Variants in PTPRN2 observed in about 807,000 individuals in gnomAD.
PTPRN2 encodes the protein protein tyrosine phosphatase receptor type N2.
A neutral mutation model predicts 118.8 loss-of-function variants in PTPRN2; 74 were observed. That is an observed-to-expected ratio of 0.62 (90% CI 0.52 to 0.76). The LOEUF is 0.76. Ranked by LOEUF, PTPRN2 falls within the 30% of genes least tolerant of loss-of-function variation. The pLI is 0.00. For missense variants in PTPRN2, 1,481 were observed against 1,394.4 expected (o/e 1.06, Z -0.99); for synonymous variants, 641 against 608.0 (o/e 1.05, Z -0.80).
intron 3 of PTPRN2, among the ~76,000 whole-genome samples, chr7:158,239,817 C>G (rs7792381): frequency 0.79 from 120,893 of 152,186 alleles, 48,243 homozygotes; most frequent in African/African-American, 0.86. Context: ...TTCCTCCACG[C>G]CCATTGGGTC....
At chr7:157,558,188 C>T (rs529848793) in intron 21 of PTPRN2, among the ~76,000 whole-genome samples, 10 of 152,150 alleles carry the variant, frequency 6.6e-5, no homozygotes, top group Admixed American at 2.0e-4. Flanking sequence ...CGGTGCCCAC[C>T]GCAGTTTGCT....
chr7:158,445,135 C>T (rs963419169), intron 2 of PTPRN2, among the ~76,000 whole-genome samples: 3 of 152,242 alleles, frequency 2.0e-5, no homozygotes, highest in Non-Finnish European at 4.4e-5. Flanking sequence ...ATGTCCCAGC[C>T]TCAGGGCTTT....
rs867696845 is a variant in PTPRN2, at chr7:158,522,306, G to C, written c.113-32521C>G. ...GAGGGAGGTCCACGTCACAATGGTG[G>C]ACTGTCCGGGTAGTGGCTCGGGAGG... On this transcript the variant is annotated intron_variant, in intron 1 of 22. Coordinates refer to ENST00000389418, the MANE Select transcript of PTPRN2 (RefSeq NM_002847.5). 4.5e-3 allele frequency among the ~76,000 whole-genome samples: 391 copies of C among 85,986 alleles called. 28 individuals are homozygous for C. Among genetic ancestry groups the C allele is most frequent in the Non-Finnish European group, 6.6e-3 (279 of 42,504 alleles). The allele number at this position is 85,986 out of a possible 152,430, so 56.4% of individuals were successfully genotyped here. A position where few individuals can be genotyped will look rare whatever the true frequency, so the allele number is the denominator to read the frequency against.
At chr7:158,347,665 G>T (rs1210200375) in intron 2 of PTPRN2, among the ~76,000 whole-genome samples, 1 of 152,290 alleles carries the variant, frequency 6.6e-6, no homozygotes, top group South Asian at 2.1e-4. Context: ...TTTGATAGGG[G>T]TTGCACTGAA....
intron 2 of PTPRN2, among the ~76,000 whole-genome samples, chr7:158,351,965 C>G (rs1380754136): frequency 1.1e-3 from 128 of 118,674 alleles, no homozygotes; most frequent in Middle Eastern, 5.3e-3. Context: ...CTGTCCGCTC[C>G]CCTCCTGACC....
chr7:158,192,638 T>C (rs998843546), intron 4 of PTPRN2, 143 bp from the exon 5 acceptor site: 4 of 964,198 alleles, frequency 4.1e-6, no homozygotes, highest in Non-Finnish European at 5.9e-6. Context: ...TCCATGACCA[T>C]GGGTTTGAAC....
rs1441558174 is a variant in PTPRN2 at position 158,270,822 on chromosome 7, C to A, written c.277+45997G>T. 5.8e-4 allele frequency among the ~76,000 whole-genome samples: 6 copies of A among 10,362 alleles called. No homozygotes were observed. In the South Asian group the frequency reaches 0.012, roughly 20 times the overall value. 6.8% of individuals were successfully genotyped at this position (10,362 alleles called of 152,430 possible). On this transcript the variant is annotated intron_variant, in intron 3 of 22. Transcript: ENST00000389418. Reference sequence around the variant, plus strand: ...ACCACCCCCTCACCTGGACCGCCCCCTCCACCTGGATGACCCCCTCACCTG... The same window carrying A: ...ACCACCCCCTCACCTGGACCGCCCCATCCACCTGGATGACCCCCTCACCTG...
In PTPRN2 at chr7:158,167,199, C is replaced by G. The variant is rs773708901; in HGVS notation, c.642G>C (p.Glu214Asp). ...GGCCGAGGGTCCGCGGCAGGAGGTC[C>G]TCGCGGAGCTGGGTCCGGGACCCGG... ...YPPGSRTQLR[E>D]DLLPRTLGQL... The change falls in exon 6 of 23, where the codon GAG (glutamate) becomes GAC (aspartate). Residue 214 changes from glutamate (E) to aspartate (D), a missense_variant. Glu to Asp is a conservative substitution (Grantham distance 45, BLOSUM62 2). Coordinates refer to ENST00000389418, the MANE Select transcript of PTPRN2 (RefSeq NM_002847.5). 8 of 1,613,610 alleles carry G rather than the reference C, an allele frequency of 5.0e-6. No individual in the cohort carries two copies. The highest frequency in any genetic ancestry group is 6.8e-6 in the Non-Finnish European group (8 of 1,179,950).
Position 157,780,037 on chromosome 7 carries a change from C to A in PTPRN2, c.1789-97100G>T, listed in dbSNP as rs1032139938. Among the ~76,000 whole-genome samples, 1 of 152,218 alleles carries A rather than the reference C, an allele frequency of 6.6e-6. No individual in the cohort carries two copies. Among genetic ancestry groups the A allele is most frequent in the African/African-American group, 2.4e-5 (1 of 41,452 alleles). On this transcript the variant is annotated intron_variant, in intron 12 of 22. Transcript: ENST00000389418. This position sits in a 1 kb window ranked among gnomAD's most constrained non-coding sequence, Gnocchi z 4.5. ...AGGATTTTACACACTTATTGATGAA[C>A]TGCTATGAGTTTTTGATGATGGCTT... is the stretch of plus-strand genomic sequence containing the variant.
chr7:157,643,048 T>C (rs761402035), intron 14 of PTPRN2, among the ~76,000 whole-genome samples: 3 of 152,210 alleles, frequency 2.0e-5, no homozygotes, highest in Non-Finnish European at 4.4e-5. Context: ...GATGGGGCTA[T>C]GGCAGGATAA....
At chr7:157,928,075 C>T (rs868614942) in intron 11 of PTPRN2, among the ~76,000 whole-genome samples, 1 of 152,190 alleles carries the variant, frequency 6.6e-6, no homozygotes, top group South Asian at 2.1e-4. Flanking sequence ...TTATAGAGCA[C>T]TTACTGGGAA....
At chr7:157,805,503 C>A (rs185206165) in intron 12 of PTPRN2, among the ~76,000 whole-genome samples, 1 of 152,020 alleles carries the variant, frequency 6.6e-6, no homozygotes, top group Non-Finnish European at 1.5e-5. Flanking sequence ...TTAAAACATG[C>A]GAAGAATTTA....
chr7:157,946,652 C>T (rs946564482), intron 11 of PTPRN2, among the ~76,000 whole-genome samples: 14 of 152,182 alleles, frequency 9.2e-5, no homozygotes, highest in Non-Finnish European at 1.5e-4. Flanking sequence ...AGGCCAGCAG[C>T]CACAGGGATG....
At chr7:157,842,939 T>C (rs1273228925) in intron 12 of PTPRN2, among the ~76,000 whole-genome samples, 1 of 152,220 alleles carries the variant, frequency 6.6e-6, no homozygotes, top group Non-Finnish European at 1.5e-5. Context: ...AGAAGGGATG[T>C]GACAGCCCAA....
At chr7:158,136,950 T>TG (rs1342504733) in intron 7 of PTPRN2, among the ~76,000 whole-genome samples, 3 of 152,018 alleles carry the variant, frequency 2.0e-5, no homozygotes, top group Admixed American at 6.6e-5. Context: ...CACCCAGCTC[T>TG]GGGGGTCTCA....
At chr7:158,018,970 A>C (rs866970473) in intron 11 of PTPRN2, among the ~76,000 whole-genome samples, 5 of 130,046 alleles carry the variant, frequency 3.8e-5, no homozygotes, top group South Asian at 5.0e-4. Context: ...CAAAAACAAA[A>C]AAAAAAAAAA....
intron 3 of PTPRN2, among the ~76,000 whole-genome samples, chr7:158,285,559 GC>G (rs1398419736): frequency 3.3e-5 from 5 of 152,194 alleles, no homozygotes; most frequent in Non-Finnish European, 1.5e-5. Flanking sequence ...AGGCAGCTGA[GC>G]CCCCTCCTCT....
intron 12 of PTPRN2, chr7:157,864,632 G>A (rs557193680): frequency 6.6e-6 from 1 of 152,358 alleles, no homozygotes; most frequent in Non-Finnish European, 1.5e-5. Context: ...TGGCCACGGC[G>A]GGGCTGTGTG....
intron 2 of PTPRN2, among the ~76,000 whole-genome samples, chr7:158,485,608 G>A (rs1278502071): frequency 2.6e-5 from 3 of 116,378 alleles, no homozygotes; most frequent in Admixed American, 1.9e-4. Context: ...CCCTCTCTGC[G>A]CCCCGCCTGC....
Sources: allele counts gnomAD v4.1 joint callset (sites outside exome capture counted in the v4.1 genomes callset), GRCh38; gene constraint gnomAD v4.1.1; non-coding constraint Gnocchi (gnomAD v3.1); transcripts MANE v1.5; gene names NCBI Gene and HGNC (gene_info 2026-07-23, HGNC 2026-07-21).